Variants in GUCA1C observed in about 807,000 individuals in gnomAD.
GUCA1C encodes the protein guanylyl cyclase-activating protein 3.
A neutral mutation model predicts 16.2 loss-of-function variants in GUCA1C; 15 were observed. That is an observed-to-expected ratio of 0.93 (90% confidence interval 0.62 to 1.43). GUCA1C has a LOEUF of 1.43. Ranked by LOEUF, GUCA1C falls within the 40% of genes most tolerant of loss-of-function variation. GUCA1C has a pLI of 0.00. For synonymous variants in GUCA1C, 78 were observed against 85.4 expected (o/e 0.91, Z 0.48); for missense variants, 275 against 244.8 (o/e 1.12, Z -0.82).
chr3:108,930,817 CT>C (rs1301230498), intron 1 of GUCA1C, among the ~76,000 whole-genome samples: 9 of 152,188 alleles, frequency 5.9e-5, no homozygotes, highest in African/African-American at 2.2e-4. Flanking sequence ...CTCACTGCCA[CT>C]TCACTTTATT....
chr3:108,936,515 G>A (rs894708472), intron 1 of GUCA1C, among the ~76,000 whole-genome samples: 2 of 152,104 alleles, frequency 1.3e-5, no homozygotes, highest in African/African-American at 4.8e-5. Context: ...AAATGAGGAC[G>A]GGGTAAATGC....
At chr3:108,944,529 G>C in intron 1 of GUCA1C, among the ~76,000 whole-genome samples, 1 of 152,184 alleles carries the variant, frequency 6.6e-6, no homozygotes, top group East Asian at 1.9e-4. Context: ...ACTGCATGCT[G>C]TTTGTAAGTG....
chr3:108,943,900 T>A (rs977069288), intron 1 of GUCA1C, among the ~76,000 whole-genome samples: 1 of 152,078 alleles, frequency 6.6e-6, no homozygotes, highest in African/African-American at 2.4e-5. Flanking sequence ...CCTGAGTTAC[T>A]TCACTTAGAA....
In GUCA1C at chr3:108,913,711, G is replaced by A. The variant is rs527760145; in HGVS notation, c.442+2416C>T. Among the ~76,000 whole-genome samples, 208 of 152,170 alleles carry A rather than the reference G, an allele frequency of 1.4e-3. 2 individuals are homozygous for A. Among genetic ancestry groups the A allele is most frequent in the African/African-American group, 4.7e-3 (196 of 41,516 alleles). ...GTATATGCATTTGCTAAGAAATAGC[G>A]ATTCATAGGTACTCCAAAGTGTATA... On this transcript the variant is annotated intron_variant, in intron 3 of 3. Coordinates refer to ENST00000261047, the MANE Select transcript of GUCA1C (RefSeq NM_005459.4).
At chr3:108,942,735 T>C (rs1417702314) in intron 1 of GUCA1C, among the ~76,000 whole-genome samples, 1 of 152,206 alleles carries the variant, frequency 6.6e-6, no homozygotes, top group African/African-American at 2.4e-5. Flanking sequence ...CTTTGATTCT[T>C]TATTTACTTC....
chr3:108,908,906 G>T (rs1356296884), intron 3 of GUCA1C, among the ~76,000 whole-genome samples: 4 of 152,174 alleles, frequency 2.6e-5, no homozygotes, highest in Admixed American at 6.5e-5. Flanking sequence ...TAAATCATTT[G>T]GGTTGGGATT....
intron 3 of GUCA1C, among the ~76,000 whole-genome samples, chr3:108,909,783 C>CT (rs1048573105): frequency 1.6e-4 from 24 of 152,186 alleles, no homozygotes; most frequent in East Asian, 5.8e-4. Flanking sequence ...TGCTTATTAA[C>CT]TTTTTTCATG....
intron 1 of GUCA1C, among the ~76,000 whole-genome samples, chr3:108,950,602 G>A (rs139829280): frequency 1.3e-4 from 20 of 152,244 alleles, no homozygotes; most frequent in Non-Finnish European, 2.6e-4. Context: ...ACCATGCTGT[G>A]TGATTAGCAA....
intron 1 of GUCA1C, among the ~76,000 whole-genome samples, chr3:108,933,442 A>G (rs1308208612): frequency 1.3e-5 from 2 of 152,224 alleles, no homozygotes; most frequent in African/African-American, 4.8e-5. Flanking sequence ...ATATGAAAGT[A>G]TAACAGCTTC....
intron 1 of GUCA1C, among the ~76,000 whole-genome samples, chr3:108,951,018 A>G (rs1439547671): frequency 6.6e-6 from 1 of 152,220 alleles, no homozygotes; most frequent in Non-Finnish European, 1.5e-5. Flanking sequence ...TATGAAATGC[A>G]TTTTAAAATA....
chr3:108,932,949 A>C (rs1327700003), intron 1 of GUCA1C, among the ~76,000 whole-genome samples: 1 of 151,276 alleles, frequency 6.6e-6, no homozygotes, highest in African/African-American at 2.4e-5. Context: ...AAAAAGAAGA[A>C]GTCCAGCAAT....
At chr3:108,930,015 A>G (rs1329543670) in intron 1 of GUCA1C, among the ~76,000 whole-genome samples, 1 of 152,184 alleles carries the variant, frequency 6.6e-6, no homozygotes, top group East Asian at 1.9e-4. Flanking sequence ...TTATTGGTAA[A>G]ACATTTTCAG....
At chr3:108,939,324 C>CTTTTGTTTTTTTTTT (rs1946761327) in intron 1 of GUCA1C, among the ~76,000 whole-genome samples, 1 of 32,912 alleles carries the variant, frequency 3.0e-5, no homozygotes, top group Non-Finnish European at 6.0e-5. Flanking sequence ...TGCTTCAAGG[C>CTTTTGTTTTTTTTTT]TTTTTTTTTT....
In GUCA1C at chr3:108,916,076, C is replaced by T. The variant is rs762973284; in HGVS notation, c.442+51G>A. ...GTCTAAATAACACTCCCCACTACCACCATCTCCTACTTTGTAGGAAAAGTG... is the reference window on the plus strand; with the variant it reads ...GTCTAAATAACACTCCCCACTACCATCATCTCCTACTTTGTAGGAAAAGTG... On this transcript the variant is annotated intron_variant, in intron 3 of 3. Coordinates refer to ENST00000261047, the MANE Select transcript of GUCA1C (RefSeq NM_005459.4). The T allele has an allele frequency of 1.2e-5, 20 of 1,607,272 alleles. No homozygotes were observed. In the South Asian group the frequency reaches 2.2e-4, roughly 18 times the overall value.
chr3:108,916,196 C>T lies in GUCA1C; in HGVS notation c.373G>A (p.Gly125Ser). 1 of 1,613,544 alleles carries T rather than the reference C, an allele frequency of 6.2e-7. No individual in the cohort carries two copies. Among genetic ancestry groups the T allele is most frequent in the Middle Eastern group, 1.7e-4 (1 of 6,060 alleles). ...TCTTCAGGACTCAGAGTTTGCTGGC[C>T]ATTGAGGGCTTGTACCGCCTGCAAA... The part of the protein sequence containing the change: ...DMFMAVQALN[G>S]QQTLSPEEFI... Residue 125 changes from glycine to serine, a missense_variant, in exon 3 of 4, where the codon GGC becomes AGC. By Grantham distance (56) the Gly-to-Ser change is moderately conservative. Transcript: ENST00000261047.
Position 108,908,184 on chromosome 3 carries a change from G to A in GUCA1C, c.468C>T (p.Ile156=). 1 of 1,613,266 alleles carries A rather than the reference G, an allele frequency of 6.2e-7. No individual in the cohort carries two copies. Among genetic ancestry groups the A allele is most frequent in the Non-Finnish European group, 8.5e-7 (1 of 1,179,330 alleles). ...GATCCTGATCTTTTGCCATGCCATT[G>A]ATAAATTCTTCTAAAGTCAATTCCC... is the stretch of plus-strand genomic sequence containing the variant. ...NDGELTLEEF[I]NGMAKDQDLL... is the part of the protein sequence containing the mutation. The change falls in exon 4 of 4, where the codon ATC becomes ATT. Residue 156 remains isoleucine (I), a synonymous_variant. Coordinates refer to ENST00000261047, the MANE Select transcript of GUCA1C (RefSeq NM_005459.4).
At chr3:108,918,201 C>T (rs1946536925) in intron 2 of GUCA1C, among the ~76,000 whole-genome samples, 1 of 152,184 alleles carries the variant, frequency 6.6e-6, no homozygotes, top group African/African-American at 2.4e-5. Context: ...TCTCTACTCT[C>T]CAACTCACCA....
At chr3:108,913,895 G>A (rs377465167) in intron 3 of GUCA1C, among the ~76,000 whole-genome samples, 9 of 151,924 alleles carry the variant, frequency 5.9e-5, no homozygotes, top group Non-Finnish European at 1.3e-4. Context: ...GTGAAACCCC[G>A]TCTCTACTAA....
In GUCA1C at chr3:108,943,890, C is replaced by T. The variant is rs533889698; in HGVS notation, c.204+9669G>A. Among the ~76,000 whole-genome samples, 74 of 152,174 alleles carry T rather than the reference C, an allele frequency of 4.9e-4. 1 individual carries two copies. The highest frequency in any genetic ancestry group is 3.5e-3 in the South Asian group (17 of 4,818). On this transcript the variant is annotated intron_variant, in intron 1 of 3. Coordinates refer to ENST00000261047, the MANE Select transcript of GUCA1C (RefSeq NM_005459.4). ...AACATACGGTGTTTAGTTTTCCATT[C>T]CTGAGTTACTTCACTTAGAATAATA...
Sources: allele counts gnomAD v4.1 joint callset (sites outside exome capture counted in the v4.1 genomes callset), GRCh38; gene constraint gnomAD v4.1.1; transcripts MANE v1.5; gene names NCBI Gene and HGNC (gene_info 2026-07-23, HGNC 2026-07-21).